Variants in ATP10B observed in about 807,000 individuals in gnomAD.
ATP10B encodes phospholipid-transporting ATPase VB.
In ATP10B, 122 loss-of-function variants were observed where a neutral mutation model predicts 141.2. The observed-to-expected ratio is 0.86, with a 90% CI of 0.75 to 1.00. The LOEUF is 1.00. ATP10B is among the 50% of genes least tolerant of loss of function. The pLI is 0.00. For synonymous variants in ATP10B, 685 were observed against 692.0 expected, an observed-to-expected ratio of 0.99 and a Z score of 0.16; for missense variants, 1,876 against 1,825.3, an observed-to-expected ratio of 1.03 and a Z score of -0.51.
chr5:160,837,381 G>A (rs992005207), intron 1 of ATP10B, among the ~76,000 whole-genome samples: 2 of 152,100 alleles, frequency 1.3e-5, no homozygotes, highest in South Asian at 4.1e-4. Context: ...ACCTGGCATA[G>A]TGCCATGCCG....
At chr5:160,786,633 C>G (rs10866721) in intron 1 of ATP10B, among the ~76,000 whole-genome samples, 15,280 of 152,096 alleles carry the variant, frequency 0.1, 866 homozygotes, top group Middle Eastern at 0.13. Context: ...AGTTGACACA[C>G]TCATTGCTAA....
chr5:160,919,549 G>A, the ATP10B span, among the ~76,000 whole-genome samples: 30 of 152,320 alleles, frequency 2.0e-4, no homozygotes, highest in African/African-American at 7.2e-4. Flanking sequence ...ATAGCAGTGA[G>A]AAGCTCTTAG....
intron 1 of ATP10B, among the ~76,000 whole-genome samples, chr5:160,822,627 G>A (rs751328068): frequency 6.6e-6 from 1 of 152,002 alleles, no homozygotes; most frequent in African/African-American, 2.4e-5. Context: ...CTAGCAACAG[G>A]TGAATGGATA....
chr5:160,772,563 C>G (rs955407901), intron 2 of ATP10B, among the ~76,000 whole-genome samples: 3 of 152,186 alleles, frequency 2.0e-5, no homozygotes, highest in African/African-American at 7.2e-5. Flanking sequence ...ACTGTTCCAC[C>G]TCAGATCGTC....
the ATP10B span, among the ~76,000 whole-genome samples, chr5:160,900,627 T>C: frequency 1.3e-5 from 2 of 152,316 alleles, no homozygotes; most frequent in African/African-American, 2.4e-5. Context: ...ATGTATTTAA[T>C]GTAGAAGTGC....
At chr5:160,878,809 A>G in the ATP10B span, among the ~76,000 whole-genome samples, 18 of 151,620 alleles carry the variant, frequency 1.2e-4, no homozygotes, top group African/African-American at 3.9e-4. Context: ...TGGCCATCAG[A>G]GAAATGCAAA....
the ATP10B span, among the ~76,000 whole-genome samples, chr5:160,924,294 C>T: frequency 5.9e-5 from 9 of 152,304 alleles, no homozygotes; most frequent in Non-Finnish European, 1.0e-4. Flanking sequence ...GTTAGGCCTC[C>T]GTGTTGCCAC....
At chr5:160,709,532 A>G (rs967500114) in intron 3 of ATP10B, among the ~76,000 whole-genome samples, 3 of 152,194 alleles carry the variant, frequency 2.0e-5, no homozygotes, top group African/African-American at 4.8e-5. Context: ...GTGAAAAATG[A>G]GAAGTCTAAT....
intron 2 of ATP10B, among the ~76,000 whole-genome samples, chr5:160,739,824 T>G (rs72818574): frequency 0.073 from 10,670 of 146,982 alleles, 363 homozygotes; most frequent in Middle Eastern, 0.088. Context: ...GTTTTTGTTT[T>G]TTAAAATTGT....
intron 1 of ATP10B, among the ~76,000 whole-genome samples, chr5:160,810,058 A>G (rs776842730): frequency 6.6e-6 from 1 of 152,166 alleles, no homozygotes; most frequent in Non-Finnish European, 1.5e-5. Flanking sequence ...CCTCTACAGT[A>G]TCTAATCTTT....
At chr5:160,779,206 A>G (rs1374815548) in intron 2 of ATP10B, among the ~76,000 whole-genome samples, 1 of 152,222 alleles carries the variant, frequency 6.6e-6, no homozygotes, top group East Asian at 1.9e-4. Flanking sequence ...TCTAGAGGAT[A>G]TACTTATTGC....
At chr5:160,880,996 G>A in the ATP10B span, among the ~76,000 whole-genome samples, 10 of 152,170 alleles carry the variant, frequency 6.6e-5, no homozygotes, top group Admixed American at 2.6e-4. Context: ...AAGAGAATGA[G>A]AAGACAAGAC....
At chr5:160,686,040 C>T (rs1300130046) in intron 6 of ATP10B, 39 bp downstream of exon 6, 3 of 1,464,772 alleles carry the variant, frequency 2.0e-6, no homozygotes, top group South Asian at 1.5e-5. Flanking sequence ...GTTTGCCTAA[C>T]CCATTTGCAA....
At chr5:160,785,835 A>C in intron 1 of ATP10B, 32 bp from the exon 2 acceptor site, 1 of 344,378 alleles carries the variant, frequency 2.9e-6, no homozygotes, top group Non-Finnish European at 5.1e-6. Flanking sequence ...AGAAATACAA[A>C]ATATACAATC....
intron 2 of ATP10B, among the ~76,000 whole-genome samples, chr5:160,729,013 TGTCTC>T (rs1561794871): frequency 6.6e-6 from 1 of 152,190 alleles, no homozygotes; most frequent in Admixed American, 6.5e-5. Flanking sequence ...CCCTGATCCT[TGTCTC>T]AGCTCTGCTG....
chr5:160,622,860 C>T (rs1220645590), intron 13 of ATP10B, among the ~76,000 whole-genome samples: 1 of 152,172 alleles, frequency 6.6e-6, no homozygotes, highest in African/African-American at 2.4e-5. Flanking sequence ...GACCCTCTAC[C>T]CCTCAATCCT....
chr5:160,801,046 C>A (rs1418563847), intron 1 of ATP10B, among the ~76,000 whole-genome samples: 1 of 152,130 alleles, frequency 6.6e-6, no homozygotes, highest in African/African-American at 2.4e-5. Flanking sequence ...TTTTCAGGAG[C>A]TCTTTGTGGA....
chr5:160,762,891 C>G (rs184490210), intron 2 of ATP10B, among the ~76,000 whole-genome samples: 1 of 151,814 alleles, frequency 6.6e-6, no homozygotes, highest in African/African-American at 2.4e-5. Context: ...CAAATGGACA[C>G]CAAAAGCAAG....
chr5:160,581,444 T>C (rs1323780002), intron 24 of ATP10B, among the ~76,000 whole-genome samples: 1 of 152,230 alleles, frequency 6.6e-6, no homozygotes, highest in Admixed American at 6.5e-5. Flanking sequence ...TCAGTTTCCA[T>C]GTAGTTGTTC....
Sources: gnomAD v4.1 joint callset for allele counts (sites outside exome capture counted in the v4.1 genomes callset) on GRCh38, gnomAD v4.1.1 for gene constraint, MANE v1.5 for transcripts, NCBI Gene and HGNC (gene_info 2026-07-23, HGNC 2026-07-21) for gene names.